SPTA1: variants seen among roughly 807,000 people sequenced by gnomAD.
SPTA1 encodes the protein spectrin alpha, erythrocytic 1, also known as spectrin alpha chain, erythrocytic 1.
In SPTA1, 177 loss-of-function variants were observed where a neutral mutation model predicts 324.7. The observed-to-expected ratio is 0.55, with a 90% CI of 0.48 to 0.62. SPTA1 has a LOEUF of 0.62. Among genes scored for constraint, SPTA1 ranks in the 20% least tolerant of loss-of-function variants. The pLI, the probability that SPTA1 is intolerant of heterozygous loss-of-function variation, is 0.00. For missense variants in SPTA1, 3,162 were observed against 2,883.6 expected (o/e 1.10, Z -2.21); for synonymous variants, 1,195 against 1,041.3 (o/e 1.15, Z -2.84).
At chr1:158,676,688 C>A (rs1214780517) in intron 7 of SPTA1, among the ~76,000 whole-genome samples, 2 of 152,052 alleles carry the variant, frequency 1.3e-5, no homozygotes, top group East Asian at 3.9e-4. Flanking sequence ...ATAACATTTC[C>A]CTAAATATTA....
Position 158,645,372 on chromosome 1 carries a change from T to C in SPTA1, c.4010A>G (p.Asp1337Gly), listed in dbSNP as rs1028343177. 1.9e-5 allele frequency: 31 copies of C among 1,613,890 alleles called. No homozygotes were observed. Among genetic ancestry groups the C allele is most frequent in the Non-Finnish European group, 2.6e-5 (31 of 1,179,950 alleles). Residue 1337 changes from aspartate to glycine, a missense_variant, in exon 29 of 52, where the codon GAC becomes GGC. Transcript: ENST00000643759. ...LLERHQEHRADMEAEAPTFQA... is the reference protein window; with the variant it reads ...LLERHQEHRAGMEAEAPTFQA... ...GAAGGTGGGAGCCTCTGCCTCCATG[T>C]CAGCACGGTGCTCCTGTGGGAAAAA...
chr1:158,630,670 G>C (rs1650610744), intron 39 of SPTA1, among the ~76,000 whole-genome samples: 1 of 151,910 alleles, frequency 6.6e-6, no homozygotes, highest in African/African-American at 2.4e-5. Flanking sequence ...CTTCTGCACA[G>C]CAAAGGAAAC....
At chr1:158,641,661 C>G (rs574379200) in intron 33 of SPTA1, among the ~76,000 whole-genome samples, 120 of 152,268 alleles carry the variant, frequency 7.9e-4, no homozygotes, top group Non-Finnish European at 1.2e-3. Flanking sequence ...CAGGAAACAA[C>G]AGGTGCTGGA....
intron 18 of SPTA1, among the ~76,000 whole-genome samples, chr1:158,660,293 T>A (rs1470502400): frequency 1.3e-5 from 2 of 152,168 alleles, no homozygotes; most frequent in Non-Finnish European, 2.9e-5. Flanking sequence ...AATCTCACTT[T>A]AAATATAAGA....
chr1:158,644,054 T>C (rs555291703), intron 30 of SPTA1, among the ~76,000 whole-genome samples, 199 bp downstream of exon 30: 34 of 151,684 alleles, frequency 2.2e-4, no homozygotes, highest in Non-Finnish European at 4.7e-4. Context: ...GGAGAATCAC[T>C]TGAACCCGGG....
chr1:158,615,230 T>C lies in SPTA1; in HGVS notation c.6774A>G (p.Gln2258=), dbSNP rs1305633428. 1 of 1,613,366 alleles carries C rather than the reference T, an allele frequency of 6.2e-7. No individual in the cohort carries two copies. The highest frequency in any genetic ancestry group is 2.2e-5 in the East Asian group (1 of 44,876). Residue 2258 remains glutamine (Q), a synonymous_variant, in exon 48 of 52, where the codon CAA becomes CAG. Coordinates refer to ENST00000643759, the MANE Select transcript of SPTA1 (RefSeq NM_003126.4). Reference sequence around the variant, plus strand: ...GCCCTCAATACTTGGCCTGGATCTGTTGCTCCAGGTTGTGTTGCATCCGCA... The same window carrying C: ...GCCCTCAATACTTGGCCTGGATCTGCTGCTCCAGGTTGTGTTGCATCCGCA... The part of the protein sequence containing the change: ...LGLRMQHNLE[Q]QIQAKDIKGV...
chr1:158,669,789 G>GA lies in SPTA1; in HGVS notation c.1600-4dup. ...TTGGTTGCAGTCTTGTCTACAGTCT[G>GA]AAAAAATAAAAATAAAAATGAATGC... is the stretch of plus-strand genomic sequence containing the variant. On this transcript the variant is annotated splice_region_variant and splice_polypyrimidine_tract_variant and intron_variant, in intron 12 of 51. Coordinates refer to ENST00000643759, the MANE Select transcript of SPTA1 (RefSeq NM_003126.4). The GA allele has an allele frequency of 6.2e-7, 1 of 1,613,808 alleles. No homozygotes were observed. The highest frequency in any genetic ancestry group is 8.5e-7 in the Non-Finnish European group (1 of 1,179,844).
intron 27 of SPTA1, among the ~76,000 whole-genome samples, chr1:158,647,243 G>A (rs1280966627): frequency 2.0e-5 from 3 of 152,056 alleles, no homozygotes; most frequent in African/African-American, 7.2e-5. Flanking sequence ...ATAGTTATTT[G>A]TATTCAACAG....
At chr1:158,627,874 C>T in intron 39 of SPTA1, 151 bp from the exon 40 acceptor site, 3 of 736,854 alleles carry the variant, frequency 4.1e-6, no homozygotes, top group African/African-American at 1.7e-5. Context: ...AATAACTATA[C>T]TCAATTGCTT....
rs1308457741 is a variant in SPTA1 at position 158,662,796 on chromosome 1, T to G, written c.2370A>C (p.Leu790Phe). 6.2e-7 allele frequency: 1 copy of G among 1,613,976 alleles called. No homozygotes were observed. Among genetic ancestry groups the G allele is most frequent in the African/African-American group, 1.3e-5 (1 of 74,906 alleles). The change falls in exon 17 of 52, where the codon TTA (leucine) becomes TTC (phenylalanine). Residue 790 changes from leucine (L) to phenylalanine (F), a missense_variant. Transcript: ENST00000643759. ...EPLATRKKKL[L>F]DLLHLQLICR... ...AAATCAGCTGCAGATGGAGAAGGTC[T>G]AAGAGCTTCTTCTTTCGGGTGGCCA...
intron 21 of SPTA1, among the ~76,000 whole-genome samples, chr1:158,654,094 C>T (rs1283336679): frequency 6.6e-6 from 1 of 152,106 alleles, no homozygotes; most frequent in Non-Finnish European, 1.5e-5. Flanking sequence ...AATTAGGTAT[C>T]AGAGTATAAA....
chr1:158,618,241 T>C, intron 45 of SPTA1, 185 bp from the exon 46 acceptor site: 1 of 636,356 alleles, frequency 1.6e-6, no homozygotes, highest in East Asian at 2.8e-5. Flanking sequence ...AAGATCAGAG[T>C]CTCCCATAAA....
In SPTA1 at chr1:158,623,183, C is replaced by A. The variant is rs879202853; in HGVS notation, c.5920G>T (p.Asp1974Tyr). The A allele has an allele frequency of 1.2e-6, 2 of 1,613,990 alleles. No individual in the cohort carries two copies. The highest frequency in any genetic ancestry group is 8.5e-7 in the Non-Finnish European group (1 of 1,179,940). ...TGCTGGAAACTCTGCAGACTGGCAT[C>A]CAGAGTGTCCTGAGAAAGATCAGGA... ...LTLLAKQDTL[D>Y]ASLQSFQQER... The change falls in exon 43 of 52, where the codon GAT becomes TAT. Residue 1974 changes from aspartate (D) to tyrosine (Y), a missense_variant. Physicochemically the swap from Asp to Tyr is radical, Grantham distance 160. Transcript: ENST00000643759.
chr1:158,677,261 G>T (rs867915455), intron 7 of SPTA1, among the ~76,000 whole-genome samples: 43 of 152,244 alleles, frequency 2.8e-4, no homozygotes, highest in African/African-American at 1.0e-3. Context: ...TATTTTAAAA[G>T]GAGAAGACAA....
At chr1:158,621,479 G>A (rs573802944) in intron 43 of SPTA1, among the ~76,000 whole-genome samples, 1 of 152,268 alleles carries the variant, frequency 6.6e-6, no homozygotes, top group East Asian at 1.9e-4. Context: ...AAAGGACACA[G>A]AAACCTATAA....
At position 158,659,130 on chromosome 1, in the gene SPTA1, AC is replaced by A. The variant is rs537981694; in HGVS notation, c.2588-1437del. On this transcript the variant is annotated intron_variant, in intron 18 of 51. Transcript: ENST00000643759. ...TAATAATCTCATTCAAAACCAGTTG[AC>A]TACCAAAGCAAAGATAATGATGTTG... is the stretch of plus-strand genomic sequence containing the variant. 1.3e-3 allele frequency among the ~76,000 whole-genome samples: 205 copies of A among 152,242 alleles called. 1 individual carries two copies. The highest frequency in any genetic ancestry group is 6.9e-4 in the Non-Finnish European group (47 of 68,004).
At position 158,637,919 on chromosome 1, in the gene SPTA1, A is replaced by G. The variant is rs539368468; in HGVS notation, c.5189+114T>C. ...CCTTAAGCTGAGGCAAACATGAAGT[A>G]GTGCTATCTTCAAGAAACAAGTACA... On this transcript the variant is annotated intron_variant, in intron 36 of 51. Transcript: ENST00000643759. 1.3e-5 allele frequency: 15 copies of G among 1,191,834 alleles called. No homozygotes were observed. In the African/African-American group the frequency reaches 2.1e-4, roughly 17 times the overall value. The allele number at this position is 1,191,834 out of a possible 1,614,324, so 73.8% of individuals were successfully genotyped here.
Position 158,626,969 on chromosome 1 carries a change from G to A in SPTA1, c.5703C>T (p.Ser1901=). 1.2e-6 allele frequency: 2 copies of A among 1,613,794 alleles called. No homozygotes were observed. The highest frequency in any genetic ancestry group is 1.7e-5 in the Admixed American group (1 of 59,992). ...QEESQNKEIS[S]KIEALNEKTP... is the part of the protein sequence containing the mutation. ...TCTTTTCATTCAGAGCCTCTATCTT[G>A]GAAGAAATCTCTTTGTTCTGACTTT... The change falls in exon 41 of 52, where the codon TCC becomes TCT. Residue 1901 remains serine (S), a synonymous_variant. Transcript: ENST00000643759.
At chr1:158,657,349 C>A in intron 19 of SPTA1, 128 bp downstream of exon 19, 1 of 952,192 alleles carries the variant, frequency 1.1e-6, no homozygotes. Flanking sequence ...AGGCCAACGG[C>A]GACCACTCTG....
Sources: gnomAD v4.1 joint callset for allele counts (sites outside exome capture counted in the v4.1 genomes callset) on GRCh38, gnomAD v4.1.1 for gene constraint, MANE v1.5 for transcripts, NCBI Gene and HGNC (gene_info 2026-07-23, HGNC 2026-07-21) for gene names.